Variants in SERPINB7 observed in about 807,000 individuals in gnomAD.
SERPINB7 encodes the protein serpin family B member 7.
A neutral mutation model predicts 37.4 loss-of-function variants in SERPINB7; 31 were observed. The observed-to-expected ratio is 0.83, with a 90% confidence interval of 0.62 to 1.12. The LOEUF (loss-of-function observed/expected upper bound fraction) is 1.12, where lower values mean the gene tolerates loss of function less well. Ranked by LOEUF, SERPINB7 falls within the 50% of genes most tolerant of loss-of-function variation. SERPINB7 has a pLI of 0.00. For missense variants in SERPINB7, 521 were observed against 455.3 expected, an observed-to-expected ratio of 1.14 and a Z score of -1.31; for synonymous variants, 163 against 166.1, an observed-to-expected ratio of 0.98 and a Z score of 0.14.
Position 63,799,617 on chromosome 18 carries a change from T to C in SERPINB7, c.597+871T>C, listed in dbSNP as rs565911774. 7.2e-5 allele frequency among the ~76,000 whole-genome samples: 11 copies of C among 152,320 alleles called. No homozygotes were observed. The South Asian group carries it at 1.9e-3, about 26-fold the overall frequency. On this transcript the variant is annotated intron_variant, in intron 6 of 7. Transcript: ENST00000398019. ...AATTGGTGACATAATCTCTCCAGCATAACCCAGATGTGTGATTCTTTCCCT... is the reference window on the plus strand; with the variant it reads ...AATTGGTGACATAATCTCTCCAGCACAACCCAGATGTGTGATTCTTTCCCT...
intron 7 of SERPINB7, among the ~76,000 whole-genome samples, 197 bp from the exon 8 acceptor site, chr18:63,804,040 A>T (rs576977271): frequency 2.6e-5 from 4 of 152,284 alleles, no homozygotes; most frequent in Admixed American, 2.6e-4. Context: ...AGCAAATTAA[A>T]CATGGGATTT....
At chr18:63,797,585 T>G (rs1055237277) in intron 5 of SERPINB7, among the ~76,000 whole-genome samples, 1 of 152,198 alleles carries the variant, frequency 6.6e-6, no homozygotes, top group African/African-American at 2.4e-5. Flanking sequence ...CATAAGCATA[T>G]CTACTCAATA....
intron 2 of SERPINB7, among the ~76,000 whole-genome samples, chr18:63,787,801 T>C (rs1347156264): frequency 6.6e-6 from 1 of 152,234 alleles, no homozygotes; most frequent in African/African-American, 2.4e-5. Context: ...TACATTCTTT[T>C]TACGAGGTAC....
chr18:63,783,604 T>G (rs541997566), intron 2 of SERPINB7, among the ~76,000 whole-genome samples: 1 of 152,348 alleles, frequency 6.6e-6, no homozygotes, highest in African/African-American at 2.4e-5. Context: ...AACACACCCG[T>G]GCACACAGCT....
chr18:63,789,430 C>A (rs1326611545), intron 2 of SERPINB7, among the ~76,000 whole-genome samples: 7 of 152,186 alleles, frequency 4.6e-5, no homozygotes, highest in Non-Finnish European at 1.0e-4. Flanking sequence ...TATAAAGATA[C>A]ATGCTTTTAT....
intron 1 of SERPINB7, among the ~76,000 whole-genome samples, chr18:63,764,098 A>G (rs2049168118): frequency 6.6e-6 from 1 of 152,196 alleles, no homozygotes; most frequent in South Asian, 2.1e-4. Flanking sequence ...AGCTTACTCA[A>G]CCTTCAGGGT....
chr18:63,765,371 C>T (rs73469942), intron 1 of SERPINB7, among the ~76,000 whole-genome samples: 4,724 of 152,140 alleles, frequency 0.031, 122 homozygotes, highest in African/African-American at 0.066. Flanking sequence ...CTCCGTGGTC[C>T]ACATCACTAT....
intron 1 of SERPINB7, among the ~76,000 whole-genome samples, chr18:63,764,600 C>G (rs187458714): frequency 1.5e-3 from 230 of 152,098 alleles, no homozygotes; most frequent in African/African-American, 5.4e-3. Context: ...TCAGGTATTT[C>G]TCTCGAAAAA....
At chr18:63,798,377 A>C (rs2049510207) in intron 5 of SERPINB7, among the ~76,000 whole-genome samples, 1 of 152,148 alleles carries the variant, frequency 6.6e-6, no homozygotes, top group Non-Finnish European at 1.5e-5. Context: ...AAATGGAAAC[A>C]ATAATAGTGC....
upstream of SERPINB7, among the ~76,000 whole-genome samples, chr18:63,775,063 A>C (rs538997462): frequency 2.6e-5 from 4 of 152,192 alleles, no homozygotes; most frequent in East Asian, 7.7e-4. Context: ...ATGGCACCCT[A>C]AACTCACCAA....
upstream of SERPINB7, among the ~76,000 whole-genome samples, chr18:63,772,654 T>C (rs1413816686): frequency 1.3e-5 from 2 of 152,096 alleles, no homozygotes; most frequent in African/African-American, 4.8e-5. Context: ...AAAATTAGAT[T>C]TGGATTTTGT....
chr18:63,783,216 GAGAGAGAGAGAGAGAGAGAAAGAA>G (rs1177285218), intron 2 of SERPINB7, among the ~76,000 whole-genome samples: 36 of 67,066 alleles, frequency 5.4e-4, no homozygotes, highest in Admixed American at 1.6e-3. Context: ...GAGAGAGAGA[GAGAGAGAGAGAGAGAGAGAAAGAA>G]AGAAAGAAAG....
intron 7 of SERPINB7, among the ~76,000 whole-genome samples, chr18:63,801,741 A>G (rs2049552087): frequency 6.6e-6 from 1 of 152,154 alleles, no homozygotes; most frequent in African/African-American, 2.4e-5. Flanking sequence ...TTTAGTCATG[A>G]GTCATGAGTC....
intron 7 of SERPINB7, 51 bp from the exon 8 acceptor site, chr18:63,804,186 A>G: frequency 1.5e-6 from 2 of 1,314,754 alleles, no homozygotes; most frequent in Non-Finnish European, 2.1e-6. Flanking sequence ...CTATTGTTTT[A>G]TCTATCACTT....
At chr18:63,792,970 AT>A (rs1255309890) in intron 3 of SERPINB7, among the ~76,000 whole-genome samples, 190 bp from the exon 4 acceptor site, 1 of 152,172 alleles carries the variant, frequency 6.6e-6, no homozygotes, top group Non-Finnish European at 1.5e-5. Context: ...TTAGTAAATT[AT>A]TTCATTTGAT....
intron 1 of SERPINB7, among the ~76,000 whole-genome samples, chr18:63,779,904 AAAC>A (rs1405884869): frequency 6.6e-6 from 1 of 152,136 alleles, no homozygotes; most frequent in Non-Finnish European, 1.5e-5. Context: ...ATAATTTGTA[AAAC>A]AACAAGAAGA....
In SERPINB7 at chr18:63,798,734, C is replaced by A; in HGVS notation, c.585C>A (p.Phe195Leu). 1.2e-6 allele frequency: 2 copies of A among 1,612,408 alleles called. No homozygotes were observed. The highest frequency in any genetic ancestry group is 1.7e-6 in the Non-Finnish European group (2 of 1,179,448). ...FTKSETINCH[F>L]KSPKCSGKAV... Reference sequence around the variant, plus strand: ...AGAGCGAAACCATAAATTGCCATTTCAAATCTCCCAAGGTATGTCGTCAAT... The same window carrying A: ...AGAGCGAAACCATAAATTGCCATTTAAAATCTCCCAAGGTATGTCGTCAAT... The change falls in exon 6 of 8, where the codon TTC (phenylalanine) becomes TTA (leucine). Residue 195 changes from phenylalanine to leucine, a missense_variant. Physicochemically the swap from Phe to Leu is conservative, Grantham distance 22 (BLOSUM62 0). Coordinates refer to ENST00000398019, the MANE Select transcript of SERPINB7 (RefSeq NM_003784.4).
chr18:63,769,012 T>C (rs1045760002), intron 1 of SERPINB7, among the ~76,000 whole-genome samples: 1 of 152,178 alleles, frequency 6.6e-6, no homozygotes, highest in Non-Finnish European at 1.5e-5. Context: ...GAATATTTGG[T>C]TTGTTTAAAG....
chr18:63,770,873 GCACACA>G (rs10634962), upstream of SERPINB7, among the ~76,000 whole-genome samples: 8 of 148,830 alleles, frequency 5.4e-5, no homozygotes, highest in African/African-American at 1.2e-4. Context: ...GTCTGCACAT[GCACACA>G]CACACACACA....
Sources: allele counts gnomAD v4.1 joint callset (sites outside exome capture counted in the v4.1 genomes callset), GRCh38; gene constraint gnomAD v4.1.1; transcripts MANE v1.5; gene names NCBI Gene and HGNC (gene_info 2026-07-23, HGNC 2026-07-21).